Variants in CSGALNACT1 observed in about 807,000 individuals in gnomAD.
CSGALNACT1 encodes the protein chondroitin sulfate N-acetylgalactosaminyltransferase 1.
CSGALNACT1 carries 52 observed loss-of-function variants against 51.0 expected under a neutral mutation model. That is an observed-to-expected ratio of 1.02 (90% CI 0.82 to 1.29). CSGALNACT1 has a LOEUF of 1.29. CSGALNACT1 is among the 50% of genes most tolerant of loss of function. The pLI is 0.00. For missense variants in CSGALNACT1, 935 were observed against 679.2 expected (o/e 1.38, Z -4.19); for synonymous variants, 341 against 254.4 (o/e 1.34, Z -3.24).
intron 1 of CSGALNACT1, among the ~76,000 whole-genome samples, chr8:19,734,096 T>C (rs2063835640): frequency 6.6e-6 from 1 of 152,178 alleles, no homozygotes; most frequent in Non-Finnish European, 1.5e-5. Context: ...CTGGGAATTA[T>C]AACAGAACCT....
At chr8:19,722,561 C>T (rs2063183355) in intron 1 of CSGALNACT1, among the ~76,000 whole-genome samples, 1 of 152,152 alleles carries the variant, frequency 6.6e-6, no homozygotes, top group African/African-American at 2.4e-5. Flanking sequence ...GTCTCCCCAG[C>T]CTAGGGTCAT....
intron 5 of CSGALNACT1, chr8:19,457,898 T>A: frequency 1.1e-6 from 1 of 870,872 alleles, no homozygotes; most frequent in Non-Finnish European, 1.7e-6. Flanking sequence ...ATTCTACACT[T>A]AAGTCTAAGA....
exon 1 of CSGALNACT1, chr8:19,602,105 T>G (rs1188838457): frequency 5.5e-6 from 1 of 181,928 alleles, no homozygotes; most frequent in Non-Finnish European, 1.2e-5. Flanking sequence ...TAAAGGTGTC[T>G]AAAAATGAAG....
intron 1 of CSGALNACT1, among the ~76,000 whole-genome samples, chr8:19,629,728 T>G (rs1264969942): frequency 6.6e-6 from 1 of 152,200 alleles, no homozygotes; most frequent in Non-Finnish European, 1.5e-5. Context: ...CTAACCTGAT[T>G]TGACATCAGC....
chr8:19,719,494 G>T (rs2062995774), intron 1 of CSGALNACT1, among the ~76,000 whole-genome samples: 1 of 152,070 alleles, frequency 6.6e-6, no homozygotes, highest in Non-Finnish European at 1.5e-5. Flanking sequence ...CATCACAAAG[G>T]TCTTGATGTA....
At chr8:19,643,163 C>G (rs1219881209) in intron 1 of CSGALNACT1, among the ~76,000 whole-genome samples, 1 of 151,320 alleles carries the variant, frequency 6.6e-6, no homozygotes, top group African/African-American at 2.4e-5. Flanking sequence ...ACTATTAATA[C>G]AGTAAATTAA....
At chr8:19,466,137 A>T (rs951281547) in intron 4 of CSGALNACT1, among the ~76,000 whole-genome samples, 56 of 152,320 alleles carry the variant, frequency 3.7e-4, no homozygotes, top group Non-Finnish European at 5.6e-4. Context: ...GGGGATTTTT[A>T]ATGGAAAAAA....
intron 3 of CSGALNACT1, among the ~76,000 whole-genome samples, chr8:19,519,805 G>A (rs373617304): frequency 6.6e-6 from 1 of 152,144 alleles, no homozygotes; most frequent in Non-Finnish European, 1.5e-5. Flanking sequence ...TGGCATTCTG[G>A]TCTCTCCACC....
chr8:19,595,408 C>T (rs981896690), intron 2 of CSGALNACT1, among the ~76,000 whole-genome samples: 5 of 152,082 alleles, frequency 3.3e-5, no homozygotes, highest in African/African-American at 9.7e-5. Context: ...TAACAAGTCT[C>T]AATATATGTT....
intron 1 of CSGALNACT1, among the ~76,000 whole-genome samples, chr8:19,734,569 A>T (rs1265868516): frequency 6.6e-6 from 1 of 152,178 alleles, no homozygotes; most frequent in Non-Finnish European, 1.5e-5. Flanking sequence ...TCTTTGCACA[A>T]ATAAACTCCA....
chr8:19,608,300 C>A (rs2154150726), intron 1 of CSGALNACT1, among the ~76,000 whole-genome samples: 1 of 152,296 alleles, frequency 6.6e-6, no homozygotes, highest in East Asian at 1.9e-4. Flanking sequence ...CCTTATACAC[C>A]AACACACCTA....
intron 8 of CSGALNACT1, among the ~76,000 whole-genome samples, chr8:19,411,129 G>C (rs1026028973): frequency 1.1e-4 from 17 of 152,080 alleles, no homozygotes; most frequent in African/African-American, 3.1e-4. Flanking sequence ...CTTCCTGCCT[G>C]GGTCACCCTT....
At chr8:19,547,337 T>C (rs2086706660) in intron 3 of CSGALNACT1, among the ~76,000 whole-genome samples, 1 of 152,238 alleles carries the variant, frequency 6.6e-6, no homozygotes, top group East Asian at 1.9e-4. Flanking sequence ...GTTTTGTGAA[T>C]GACATGGCTT....
chr8:19,552,687 G>A (rs2088485592), intron 3 of CSGALNACT1, among the ~76,000 whole-genome samples: 2 of 152,134 alleles, frequency 1.3e-5, no homozygotes, highest in Admixed American at 6.5e-5. Context: ...ATGAAAATTT[G>A]TATTGCTGAT....
At chr8:19,625,752 G>A (rs556406287) in intron 1 of CSGALNACT1, among the ~76,000 whole-genome samples, 5 of 152,276 alleles carry the variant, frequency 3.3e-5, no homozygotes, top group African/African-American at 1.2e-4. Context: ...TAAGAGAGGG[G>A]GCCTTAAGGC....
intron 3 of CSGALNACT1, among the ~76,000 whole-genome samples, chr8:19,520,799 A>AG (rs1248686712): frequency 6.6e-6 from 1 of 152,212 alleles, no homozygotes; most frequent in Non-Finnish European, 1.5e-5. Context: ...CCTATGAGGT[A>AG]GGTTCTGTTA....
chr8:19,613,271 T>C (rs1256171691), intron 1 of CSGALNACT1, among the ~76,000 whole-genome samples: 1 of 152,204 alleles, frequency 6.6e-6, no homozygotes, highest in South Asian at 2.1e-4. Flanking sequence ...AACATATAAT[T>C]TATGTTTCTA....
In CSGALNACT1 at chr8:19,667,039, G is replaced by GAAA. The variant is rs1564386902; in HGVS notation, c.-544+15433_-544+15434insTTT. ...AGAAAGGAAGGAAGGAAGGAAGGAA[G>GAAA]GAAGAAAGAAAGAAAGAAAGAAAGA... On this transcript the variant is annotated intron_variant, in intron 1 of 9. Transcript: ENST00000332246. Among the ~76,000 whole-genome samples the GAAA allele has an allele frequency of 2.6e-3, 104 of 39,952 alleles. 4 individuals are homozygous for GAAA. The highest frequency in any genetic ancestry group is 0.014 in the East Asian group (23 of 1,646). The allele number at this position is 39,952 out of a possible 152,430, so 26.2% of individuals were successfully genotyped here.
At chr8:19,627,696 G>A (rs2054625693) in intron 1 of CSGALNACT1, among the ~76,000 whole-genome samples, 1 of 152,072 alleles carries the variant, frequency 6.6e-6, no homozygotes, top group Non-Finnish European at 1.5e-5. Flanking sequence ...ATGGTGGCAT[G>A]CACCTATAGT....
Sources: allele counts gnomAD v4.1 joint callset (sites outside exome capture counted in the v4.1 genomes callset), GRCh38; gene constraint gnomAD v4.1.1; transcripts MANE v1.5; gene names NCBI Gene and HGNC (gene_info 2026-07-23, HGNC 2026-07-21).